The following USH2A variants were observed in gnomAD, a reference collection of about 807,000 sequenced individuals.
USH2A encodes Usher syndrome 2A (autosomal recessive, mild).
Under a neutral mutation model 538.9 loss-of-function variants are expected in USH2A, and 443 were observed. The observed-to-expected ratio is 0.82, with a 90% CI of 0.76 to 0.89. The LOEUF (loss-of-function observed/expected upper bound fraction) is 0.89, where lower values mean the gene tolerates loss of function less well. USH2A is among the 40% of genes least tolerant of loss of function. USH2A has a pLI of 0.00. For synonymous variants in USH2A, 2,413 were observed against 2,273.5 expected (o/e 1.06, Z -1.75); for missense variants, 6,633 against 6,324.8 (o/e 1.05, Z -1.65).
intron 3 of USH2A, among the ~76,000 whole-genome samples, chr1:216,372,400 G>A (rs1482293451): frequency 2.0e-5 from 3 of 152,084 alleles, no homozygotes; most frequent in Admixed American, 6.6e-5. Flanking sequence ...CCAGGCTCTT[G>A]AAGCAATCTA....
chr1:216,408,290 T>A (rs1312393918), intron 3 of USH2A, among the ~76,000 whole-genome samples: 2 of 152,174 alleles, frequency 1.3e-5, no homozygotes, highest in Admixed American at 6.5e-5. Flanking sequence ...TGACTTGTGA[T>A]AATCTTCTTA....
intron 21 of USH2A, among the ~76,000 whole-genome samples, chr1:216,133,674 T>A (rs1413659256): frequency 1.3e-5 from 2 of 152,158 alleles, no homozygotes; most frequent in African/African-American, 2.4e-5. Flanking sequence ...AAACCCATTA[T>A]GTCATTAACT....
chr1:215,964,218 T>C (rs779669947), intron 37 of USH2A, among the ~76,000 whole-genome samples: 44 of 152,086 alleles, frequency 2.9e-4, no homozygotes, highest in Non-Finnish European at 5.9e-4. Context: ...CCGGCCTAAA[T>C]GTTGCTTCTT....
chr1:215,676,508 C>T (rs752152887), intron 62 of USH2A, among the ~76,000 whole-genome samples: 1 of 152,180 alleles, frequency 6.6e-6, no homozygotes, highest in Non-Finnish European at 1.5e-5. Context: ...GGGGACAGGA[C>T]ACATTTTACA....
chr1:216,251,442 C>CCT lies in USH2A; in HGVS notation c.1972-345_1972-344insAG, dbSNP rs1553321310. Among the ~76,000 whole-genome samples the CCT allele has an allele frequency of 2.1e-4, 17 of 80,384 alleles. 1 individual carries two copies. Among genetic ancestry groups the CCT allele is most frequent in the South Asian group, 5.8e-4 (1 of 1,730 alleles). The allele number at this position is 80,384 out of a possible 152,430, so 52.7% of individuals were successfully genotyped here. On this transcript the variant is annotated intron_variant, in intron 11 of 71. Coordinates refer to ENST00000307340, the MANE Select transcript of USH2A (RefSeq NM_206933.4). The stretch of plus-strand genomic sequence containing the variant: ...TTTAGTCTTTAGGACACCACTTCCC[C>CCT]TTTTTTTTTTTTTTTTTTTTTTTTT...
intron 43 of USH2A, 110 bp downstream of exon 43, chr1:215,877,648 T>C (rs1388663145): frequency 2.6e-6 from 4 of 1,514,640 alleles, no homozygotes; most frequent in Admixed American, 1.7e-5. Context: ...CATGTTTTAT[T>C]GCATAACTGA....
intron 61 of USH2A, among the ~76,000 whole-genome samples, chr1:215,719,535 A>G (rs1659592363): frequency 6.6e-6 from 1 of 152,130 alleles, no homozygotes; most frequent in Admixed American, 6.5e-5. Flanking sequence ...AAAATGTATA[A>G]AACATAAGGT....
intron 11 of USH2A, among the ~76,000 whole-genome samples, chr1:216,254,218 A>T (rs1194200550): frequency 6.6e-6 from 1 of 152,206 alleles, no homozygotes; most frequent in African/African-American, 2.4e-5. Flanking sequence ...TAAAAATAAA[A>T]TAAAGCATTA....
chr1:216,097,587 G>A (rs2032470712), intron 21 of USH2A, among the ~76,000 whole-genome samples: 1 of 152,062 alleles, frequency 6.6e-6, no homozygotes, highest in African/African-American at 2.4e-5. Context: ...AAACACAGAG[G>A]GTCTTGCTTA....
chr1:215,689,369 C>A (rs1448800989), intron 61 of USH2A, among the ~76,000 whole-genome samples: 1 of 152,164 alleles, frequency 6.6e-6, no homozygotes, highest in Non-Finnish European at 1.5e-5. Flanking sequence ...TCTTGATTTT[C>A]CCTTTTTTGA....
intron 32 of USH2A, among the ~76,000 whole-genome samples, chr1:216,012,779 C>T (rs1234380596): frequency 3.3e-5 from 5 of 152,180 alleles, no homozygotes; most frequent in East Asian, 1.9e-4. Flanking sequence ...GGCCTGTCCT[C>T]GGAATGCTAC....
intron 32 of USH2A, among the ~76,000 whole-genome samples, chr1:216,011,276 C>T (rs1489063537): frequency 6.6e-6 from 1 of 152,086 alleles, no homozygotes; most frequent in East Asian, 1.9e-4. Flanking sequence ...TATTCCTTTG[C>T]ACCCGTCATC....
chr1:216,324,058 A>C, intron 7 of USH2A, 110 bp downstream of exon 7: 1 of 1,222,446 alleles, frequency 8.2e-7, no homozygotes, highest in Non-Finnish European at 1.1e-6. Context: ...AATCTGCCTC[A>C]AGGAAGTTGG....
intron 4 of USH2A, among the ~76,000 whole-genome samples, chr1:216,355,364 AAAGAAAGAAAG>A (rs1413999261): frequency 2.0e-5 from 3 of 151,498 alleles, no homozygotes; most frequent in Non-Finnish European, 4.4e-5. Context: ...AGAAAGAAAG[AAAGAAAGAAAG>A]AAGGAAAGAA....
intron 21 of USH2A, among the ~76,000 whole-genome samples, chr1:216,171,905 A>T: frequency 6.6e-6 from 1 of 152,084 alleles, no homozygotes; most frequent in East Asian, 1.9e-4. Context: ...TTAAACTATG[A>T]TGTAAATGAC....
intron 38 of USH2A, among the ~76,000 whole-genome samples, chr1:215,931,022 A>C (rs1666350602): frequency 6.6e-6 from 1 of 152,016 alleles, no homozygotes; most frequent in African/African-American, 2.4e-5. Flanking sequence ...GTAATTGTAG[A>C]AATACAAAAA....
intron 11 of USH2A, among the ~76,000 whole-genome samples, chr1:216,255,691 G>C (rs2036245125): frequency 6.6e-6 from 1 of 152,102 alleles, no homozygotes; most frequent in Non-Finnish European, 1.5e-5. Context: ...TGAAAAGTAG[G>C]TGTAGTTTGC....
chr1:216,016,041 C>T (rs185001158), intron 32 of USH2A, among the ~76,000 whole-genome samples: 3,671 of 152,124 alleles, frequency 0.024, 140 homozygotes, highest in African/African-American at 0.082. Flanking sequence ...ATGTCCTTTG[C>T]AGGGACATGG....
At chr1:216,309,469 G>A (rs1335011838) in intron 9 of USH2A, among the ~76,000 whole-genome samples, 1 of 152,022 alleles carries the variant, frequency 6.6e-6, no homozygotes, top group African/African-American at 2.4e-5. Flanking sequence ...TAGATTTGTT[G>A]TGATTGTTTA....
Sources: allele counts gnomAD v4.1 joint callset (sites outside exome capture counted in the v4.1 genomes callset), GRCh38; gene constraint gnomAD v4.1.1; transcripts MANE v1.5; gene names NCBI Gene and HGNC (gene_info 2026-07-23, HGNC 2026-07-21).